CTPS1: variants seen among roughly 807,000 people sequenced by gnomAD.
CTPS1 encodes CTP synthase 1.
CTPS1 carries 25 observed loss-of-function variants against 80.5 expected under a neutral mutation model. The observed-to-expected ratio is 0.31, with a 90% CI of 0.23 to 0.43. CTPS1 has a LOEUF of 0.43. Ranked by LOEUF, CTPS1 falls within the 20% of genes least tolerant of loss-of-function variation. CTPS1 has a pLI of 1.00. For missense variants in CTPS1, 442 were observed against 725.7 expected (o/e 0.61, Z 4.49); for synonymous variants, 267 against 252.5 (o/e 1.06, Z -0.54).
At chr1:40,987,325 A>T (rs770147683) in intron 3 of CTPS1, 47 bp from the exon 4 acceptor site, 4 of 1,366,968 alleles carry the variant, frequency 2.9e-6, no homozygotes, top group Non-Finnish European at 4.2e-6. Context: ...GTCTCAATCA[A>T]TGTAGATGGA....
chr1:40,981,385 A>G (rs1651890279), intron 1 of CTPS1, among the ~76,000 whole-genome samples: 1 of 152,254 alleles, frequency 6.6e-6, no homozygotes, highest in Non-Finnish European at 1.5e-5. Flanking sequence ...TAAAATTGGG[A>G]CAAATCAAAT....
In CTPS1 at chr1:40,987,108, C is replaced by T. The variant is rs148420116; in HGVS notation, c.338-264C>T. 6.2e-3 allele frequency among the ~76,000 whole-genome samples: 940 copies of T among 152,290 alleles called. 2 individuals carry two copies. Among genetic ancestry groups the T allele is most frequent in the Middle Eastern group, 0.017 (5 of 294 alleles). ...AAAGGGTAGACTCTGCACAGGGGCA[C>T]GTGCGCCTGTGTGGCTCAGGACACT... On this transcript the variant is annotated intron_variant, in intron 3 of 18. Transcript: ENST00000650070.
In CTPS1 at chr1:41,003,255, A is replaced by G. The variant is rs1400887999; in HGVS notation, c.1252+79A>G. ...TATGAGGCCTGTTGCCGCCTGGGTGATCAGGAGCTTTGGAGAAGGGCAGGC... is the reference window on the plus strand; with the variant it reads ...TATGAGGCCTGTTGCCGCCTGGGTGGTCAGGAGCTTTGGAGAAGGGCAGGC... On this transcript the variant is annotated intron_variant, in intron 12 of 18. Transcript: ENST00000650070. The G allele has an allele frequency of 4.0e-6, 6 of 1,516,896 alleles. No homozygotes were observed. In the East Asian group the frequency reaches 1.4e-4, roughly 34 times the overall value. The allele number at this position is 1,516,896 out of a possible 1,614,324, so 94.0% of individuals were successfully genotyped here.
chr1:40,987,993 A>G (rs988712817), intron 4 of CTPS1, among the ~76,000 whole-genome samples: 6 of 152,090 alleles, frequency 3.9e-5, no homozygotes. Flanking sequence ...GCTCACTGCA[A>G]CCTTGACCTC....
At chr1:40,994,560 A>C (rs572838589) in intron 7 of CTPS1, among the ~76,000 whole-genome samples, 1 of 152,286 alleles carries the variant, frequency 6.6e-6, no homozygotes, top group African/African-American at 2.4e-5. Context: ...AACCTTACTA[A>C]AATTCTATTA....
intron 4 of CTPS1, 31 bp from the exon 5 acceptor site, chr1:40,988,563 C>T (rs1440131247): frequency 6.7e-7 from 1 of 1,503,484 alleles, no homozygotes; most frequent in East Asian, 2.3e-5. Flanking sequence ...GGGTTTAGTG[C>T]CTAACCTCTG....
At chr1:40,987,821 A>G (rs1642494594) in intron 4 of CTPS1, among the ~76,000 whole-genome samples, 1 of 152,194 alleles carries the variant, frequency 6.6e-6, no homozygotes, top group African/African-American at 2.4e-5. Flanking sequence ...ATTTGGTTTC[A>G]GTATCTGTAC....
At chr1:40,989,135 C>T (rs2148394830) in intron 5 of CTPS1, among the ~76,000 whole-genome samples, 1 of 152,324 alleles carries the variant, frequency 6.6e-6, no homozygotes, top group African/African-American at 2.4e-5. Flanking sequence ...CCTGTTTGCC[C>T]TGCAGAACCC....
At chr1:40,988,796 A>G in intron 5 of CTPS1, 86 bp downstream of exon 5, 1 of 869,528 alleles carries the variant, frequency 1.2e-6, no homozygotes, top group Non-Finnish European at 1.9e-6. Context: ...CTCATTGTCT[A>G]GTAGTTTTCA....
In CTPS1 at chr1:41,007,088, G is replaced by C. The variant is rs1643051714; in HGVS notation, c.1297-361G>C. On this transcript the variant is annotated intron_variant, in intron 13 of 18. Coordinates refer to ENST00000650070, the MANE Select transcript of CTPS1 (RefSeq NM_001905.4). The surrounding 1 kb of genome is among the most constrained non-coding windows in gnomAD (Gnocchi z 4.4). Reference sequence around the variant, plus strand: ...ATCCCTTGCCTTTGAGCAGTCATCAGGCTAGCTGGGGCGATGACAGACATG... The same window carrying C: ...ATCCCTTGCCTTTGAGCAGTCATCACGCTAGCTGGGGCGATGACAGACATG... Among the ~76,000 whole-genome samples, 1 of 152,200 alleles carries C rather than the reference G, an allele frequency of 6.6e-6. No homozygotes were observed. The highest frequency in any genetic ancestry group is 1.5e-5 in the Non-Finnish European group (1 of 68,034).
intron 12 of CTPS1, among the ~76,000 whole-genome samples, chr1:41,005,499 C>T (rs1415400774): frequency 6.6e-6 from 1 of 151,650 alleles, no homozygotes; most frequent in Non-Finnish European, 1.5e-5. Flanking sequence ...TTAAAAATTA[C>T]TAGGTTATGC....
Position 40,981,041 on chromosome 1 carries a change from A to G in CTPS1, c.-14+1212A>G, listed in dbSNP as rs1438619177. 3 of 152,430 alleles carry G rather than the reference A, an allele frequency of 2.0e-5. No homozygotes were observed. The East Asian group carries it at 5.8e-4, about 29-fold the overall frequency. The allele number at this position is 152,430 out of a possible 1,614,324, so 9.4% of individuals were successfully genotyped here. The stretch of plus-strand genomic sequence containing the variant: ...CTTGTCTCACCTTCCTCTGATGGCC[A>G]TGGTACTGAAAGCGTCTGCTCTCAT... On this transcript the variant is annotated intron_variant, in intron 1 of 18. Coordinates refer to ENST00000650070, the MANE Select transcript of CTPS1 (RefSeq NM_001905.4).
At chr1:41,008,194 G>T (rs937326458) in intron 14 of CTPS1, among the ~76,000 whole-genome samples, 2 of 152,168 alleles carry the variant, frequency 1.3e-5, no homozygotes, top group African/African-American at 4.8e-5. Context: ...AGAGCAGCCC[G>T]TTCGCAAATG....
chr1:40,993,138 C>T (rs558586173), intron 7 of CTPS1, among the ~76,000 whole-genome samples: 1 of 152,100 alleles, frequency 6.6e-6, no homozygotes, highest in African/African-American at 2.4e-5. Context: ...GGAACCTCCA[C>T]CTGCTGGGTT....
At chr1:40,981,698 C>T (rs1558125929) in intron 1 of CTPS1, among the ~76,000 whole-genome samples, 2 of 152,172 alleles carry the variant, frequency 1.3e-5, no homozygotes, top group Non-Finnish European at 2.9e-5. Flanking sequence ...ATCAGCGTTT[C>T]TCTGATTTAT....
In CTPS1 at chr1:41,009,512, A is replaced by T; in HGVS notation, c.1614A>T (p.Pro538=). 6 of 1,613,778 alleles carry T rather than the reference A, an allele frequency of 3.7e-6. No individual in the cohort carries two copies. Among genetic ancestry groups the T allele is most frequent in the Non-Finnish European group, 5.1e-6 (6 of 1,179,944 alleles). Reference sequence around the variant, plus strand: ...TGTCCAGGCCTATCAAGCCCTCCCCACCATACTTTGGCCTCCTCCTGGCCT... The same window carrying T: ...TGTCCAGGCCTATCAAGCCCTCCCCTCCATACTTTGGCCTCCTCCTGGCCT... The part of the protein sequence containing the change: ...EFLSRPIKPS[P]PYFGLLLASV... The change falls in exon 17 of 19, where the codon CCA becomes CCT. Residue 538 remains proline (P), a synonymous_variant. Transcript: ENST00000650070.
rs1411628631 is a variant in CTPS1 at position 41,003,191 on chromosome 1, A to C, written c.1252+15A>C. ...GGGATGGCAAGGTAAGCGTGCATTA[A>C]GACACTCATTCAATTCCCGCTTGTG... On this transcript the variant is annotated intron_variant, in intron 12 of 18. Coordinates refer to ENST00000650070, the MANE Select transcript of CTPS1 (RefSeq NM_001905.4). 1.2e-6 allele frequency: 2 copies of C among 1,613,844 alleles called. No homozygotes were observed. Among genetic ancestry groups the C allele is most frequent in the African/African-American group, 2.7e-5 (2 of 74,906 alleles).
intron 10 of CTPS1, among the ~76,000 whole-genome samples, chr1:41,001,358 A>G (rs1391332059): frequency 6.6e-6 from 1 of 152,216 alleles, no homozygotes; most frequent in Non-Finnish European, 1.5e-5. Flanking sequence ...GATGAGGCTC[A>G]TTTAAGGATT....
At chr1:40,986,091 AG>A (rs1642445076) in intron 3 of CTPS1, among the ~76,000 whole-genome samples, 1 of 152,256 alleles carries the variant, frequency 6.6e-6, no homozygotes, top group Non-Finnish European at 1.5e-5. Context: ...GAGCAAGACC[AG>A]AGAAGTCATT....
Sources: gnomAD v4.1 joint callset for allele counts (sites outside exome capture counted in the v4.1 genomes callset) on GRCh38, gnomAD v4.1.1 for gene constraint, Gnocchi (gnomAD v3.1) non-coding constraint, MANE v1.5 for transcripts, NCBI Gene and HGNC (gene_info 2026-07-23, HGNC 2026-07-21) for gene names.